The following MTA2 variants were observed in gnomAD, a reference collection of about 807,000 sequenced individuals.
MTA2 encodes metastasis-associated protein MTA2.
A neutral mutation model predicts 87.1 loss-of-function variants in MTA2; 22 were observed. The ratio of observed to expected loss-of-function variants is 0.25; its 90% confidence interval spans 0.18 to 0.36. The LOEUF (loss-of-function observed/expected upper bound fraction) is 0.36. Ranked by LOEUF, MTA2 falls within the 10% of genes least tolerant of loss-of-function variation. MTA2 has a pLI of 1.00. For synonymous variants in MTA2, 314 were observed against 310.1 expected, an observed-to-expected ratio of 1.01 and a Z score of -0.13; for missense variants, 542 against 853.2, an observed-to-expected ratio of 0.64 and a Z score of 4.54.
intron 2 of MTA2, 132 bp from the exon 3 acceptor site, chr11:62,600,391 G>A (rs973399443): frequency 3.5e-6 from 3 of 847,224 alleles, no homozygotes; most frequent in Non-Finnish European, 5.6e-6. Context: ...AAGAAAATAT[G>A]AGTAAAGACT....
chr11:62,598,397 G>A lies in MTA2; in HGVS notation c.309-7C>T, dbSNP rs547210469. ...GGTCACACTGCATTTCCCCCTATAG[G>A]AGAGAGATTGGAAAACCCCGGTGAG... On this transcript the variant is annotated splice_polypyrimidine_tract_variant and splice_region_variant and intron_variant, in intron 4 of 17. Coordinates refer to ENST00000278823, the MANE Select transcript of MTA2 (RefSeq NM_004739.4). 2.5e-6 allele frequency: 4 copies of A among 1,613,780 alleles called. No homozygotes were observed. The highest frequency in any genetic ancestry group is 2.2e-5 in the East Asian group (1 of 44,874).
chr11:62,600,739 G>A lies in MTA2; in HGVS notation c.29-50C>T, dbSNP rs755714201. The A allele has an allele frequency of 3.9e-6, 6 of 1,539,608 alleles. No homozygotes were observed. The East Asian group carries it at 9.0e-5, about 23-fold the overall frequency. On this transcript the variant is annotated intron_variant, in intron 1 of 17. Transcript: ENST00000278823. ...ACCACGAAGATCAGAGGAGATGGGA[G>A]ACGCAGAGCACCAGGGTAGGAGAGA...
chr11:62,596,120 G>T lies in MTA2; in HGVS notation c.1017-13C>A. 6.2e-7 allele frequency: 1 copy of T among 1,613,620 alleles called. No individual in the cohort carries two copies. ...GTTTGGCTTAGTGCTAACGGGGAAG[G>T]CGAGGAGAAGGGAAAAAAACAAGAA... On this transcript the variant is annotated splice_polypyrimidine_tract_variant and intron_variant, in intron 11 of 17. Transcript: ENST00000278823.
At chr11:62,598,482 T>A (rs371985219) in intron 4 of MTA2, 40 bp downstream of exon 4, 2 of 1,607,560 alleles carry the variant, frequency 1.2e-6, no homozygotes, top group African/African-American at 2.7e-5. Flanking sequence ...ATCTTCTACG[T>A]AAGTGCACGC....
Position 62,594,336 on chromosome 11 carries a change from C to T in MTA2, c.1764G>A (p.Gln588=), listed in dbSNP as rs138892487. The T allele has an allele frequency of 3.3e-4, 525 of 1,614,230 alleles. 2 individuals carry two copies. Among genetic ancestry groups the T allele is most frequent in the Non-Finnish European group, 4.1e-4 (489 of 1,180,048 alleles). Reference sequence around the variant, plus strand: ...TTAGTTTCTGACGCTTGGCTGCTGGCTGTGAGCTTGAACGAATCCCTGAAG... The same window carrying T: ...TTAGTTTCTGACGCTTGGCTGCTGGTTGTGAGCTTGAACGAATCCCTGAAG... The part of the protein sequence containing the change: ...PLASGIRSSS[Q]PAAKRQKLNP... The change falls in exon 17 of 18, where the codon CAG becomes CAA. Residue 588 remains glutamine, a synonymous_variant. Coordinates refer to ENST00000278823, the MANE Select transcript of MTA2 (RefSeq NM_004739.4).
At position 62,593,709 on chromosome 11, in the gene MTA2, C is replaced by G. The variant is rs560026142; in HGVS notation, c.*166G>C. 226 of 765,502 alleles carry G rather than the reference C, an allele frequency of 3.0e-4. No homozygotes were observed. Among genetic ancestry groups the G allele is most frequent in the Non-Finnish European group, 4.0e-4 (192 of 484,972 alleles). The allele number at this position is 765,502 out of a possible 1,614,324, so 47.4% of individuals were successfully genotyped here. ...AAGCATGGAGGCATGAGACAAGTCT[C>G]GAGGTGGTAACACCAGAGGGCGCCC... is the stretch of plus-strand genomic sequence containing the variant. On this transcript the variant is annotated 3_prime_UTR_variant, in exon 18 of 18. Transcript: ENST00000278823.
chr11:62,593,894 G>A lies in MTA2; in HGVS notation c.1988C>T (p.Pro663Leu). The change falls in exon 18 of 18, where the codon CCT (proline) becomes CTT (leucine). Residue 663 changes from proline (P) to leucine (L), a missense_variant. Physicochemically the swap from Pro to Leu is moderately conservative, Grantham distance 98. Transcript: ENST00000278823. The stretch of plus-strand genomic sequence containing the variant: ...AGGTGCTCAGTCCTCCAGGACAATA[G>A]GCTCATTGGTGCTGGCAGGATGTGA... ...APSHPASTNEPIVLED is the reference protein window; with the variant it reads ...APSHPASTNELIVLED 6.2e-7 allele frequency: 1 copy of A among 1,614,178 alleles called. No individual in the cohort carries two copies. Among genetic ancestry groups the A allele is most frequent in the Non-Finnish European group, 8.5e-7 (1 of 1,180,032 alleles).
chr11:62,594,568 A>G lies in MTA2; in HGVS notation c.1640T>C (p.Leu547Pro), dbSNP rs1394503311. The change falls in exon 16 of 18, where the codon CTG becomes CCG. Residue 547 changes from leucine (L) to proline (P), a missense_variant. This residue lies in a region of MTA2 where 269 missense variants were observed against 346.4 expected (regional missense o/e 0.78). Transcript: ENST00000278823. ...GCCCCCCAGTCCCCGGTTCTGGGAC[A>G]GCTGGTTTCTGTTGATCGGTGTCTT... ...GTKTPINRNQ[L>P]SQNRGLGGIM... 1 of 1,614,056 alleles carries G rather than the reference A, an allele frequency of 6.2e-7. No individual in the cohort carries two copies. The highest frequency in any genetic ancestry group is 1.1e-5 in the South Asian group (1 of 91,080).
chr11:62,601,244 C>T lies in MTA2; in HGVS notation c.28+179G>A, dbSNP rs112034135. The stretch of plus-strand genomic sequence containing the variant: ...CAGCTTCTCTCTGGGAGTCTCGGAG[C>T]CCTGCCGCGTCGCGGTTCCCCGCAC... On this transcript the variant is annotated intron_variant, in intron 1 of 17. Coordinates refer to ENST00000278823, the MANE Select transcript of MTA2 (RefSeq NM_004739.4). 3.8e-5 allele frequency: 29 copies of T among 765,262 alleles called. 2 individuals carry two copies. The highest frequency in any genetic ancestry group is 2.9e-4 in the African/African-American group (16 of 55,010). 47.4% of individuals were successfully genotyped at this position (765,262 alleles called of 1,614,324 possible).
At chr11:62,600,286 AAAC>A in intron 2 of MTA2, 27 bp from the exon 3 acceptor site, 1 of 1,592,296 alleles carries the variant, frequency 6.3e-7, no homozygotes, top group Non-Finnish European at 8.6e-7. Flanking sequence ...AACAAAAACA[AAAC>A]AACGTAGCAG....
Position 62,593,560 on chromosome 11 carries a change from C to T in MTA2, c.*315G>A. 1 of 216,056 alleles carries T rather than the reference C, an allele frequency of 4.6e-6. No individual in the cohort carries two copies. 13.4% of individuals were successfully genotyped at this position (216,056 alleles called of 1,614,324 possible). A position where few individuals can be genotyped will look rare whatever the true frequency, so the allele number is the denominator to read the frequency against. The stretch of plus-strand genomic sequence containing the variant: ...CCCCATCCCCTTTCACAAAGGGAGG[C>T]AAAATTTTTAAAAAATTAAAAAACC... On this transcript the variant is annotated 3_prime_UTR_variant, in exon 18 of 18. Transcript: ENST00000278823.
In MTA2 at chr11:62,593,937, C is replaced by T; in HGVS notation, c.1945G>A (p.Val649Ile). The change falls in exon 18 of 18, where the codon GTC becomes ATC. Residue 649 changes from valine (V) to isoleucine (I), a missense_variant. By Grantham distance (29) the Val-to-Ile change is conservative. Coordinates refer to ENST00000278823, the MANE Select transcript of MTA2 (RefSeq NM_004739.4). The stretch of plus-strand genomic sequence containing the variant: ...GGATGTGAGGGTGCAGGTAGAGGGA[C>T]AGGGGGCCGCACTGCAATCAGCGTT... ...KPTLIAVRPP[V>I]PLPAPSHPAS... 2 of 1,614,150 alleles carry T rather than the reference C, an allele frequency of 1.2e-6. No individual in the cohort carries two copies. The highest frequency in any genetic ancestry group is 1.7e-6 in the Non-Finnish European group (2 of 1,180,040).
intron 4 of MTA2, 25 bp from the exon 5 acceptor site, chr11:62,598,415 C>G (rs1489795791): frequency 6.2e-7 from 1 of 1,612,516 alleles, no homozygotes; most frequent in Admixed American, 1.7e-5. Flanking sequence ...TTGGAAAACC[C>G]CGGTGAGCCC....
chr11:62,600,533 T>G, intron 2 of MTA2, 89 bp downstream of exon 2: 1 of 1,217,534 alleles, frequency 8.2e-7, no homozygotes, highest in Non-Finnish European at 1.2e-6. Flanking sequence ...GAATGGGTAC[T>G]TAGTATAGGA....
At position 62,600,603 on chromosome 11, in the gene MTA2, G is replaced by C. The variant is rs370794242; in HGVS notation, c.96+19C>G. On this transcript the variant is annotated intron_variant, in intron 2 of 17. Transcript: ENST00000278823. ...GAGACCACTGCGGGAGGGAGGGAGA[G>C]GGATTCTGCTCCACTCACCTTGTTG... 261 of 1,609,804 alleles carry C rather than the reference G, an allele frequency of 1.6e-4. 1 individual carries two copies. The highest frequency in any genetic ancestry group is 2.0e-4 in the Non-Finnish European group (236 of 1,176,680).
intron 17 of MTA2, 52 bp from the exon 18 acceptor site, chr11:62,594,092 C>A: frequency 6.4e-7 from 1 of 1,554,506 alleles, no homozygotes; most frequent in Non-Finnish European, 8.7e-7. Context: ...AACATTAAGA[C>A]CTCCAGGTGA....
Position 62,601,758 on chromosome 11 carries a change from C to A in MTA2, c.-308G>T. 2 of 514,692 alleles carry A rather than the reference C, an allele frequency of 3.9e-6. No individual in the cohort carries two copies. Among genetic ancestry groups the A allele is most frequent in the South Asian group, 5.7e-5 (2 of 35,246 alleles). 31.9% of individuals were successfully genotyped at this position (514,692 alleles called of 1,614,324 possible). A position where few individuals can be genotyped will look rare whatever the true frequency, so the allele number is the denominator to read the frequency against. On this transcript the variant is annotated 5_prime_UTR_variant, in exon 1 of 18. Coordinates refer to ENST00000278823, the MANE Select transcript of MTA2 (RefSeq NM_004739.4). Reference sequence around the variant, plus strand: ...CCAGCTACCCCCGCCCCCGCGGAGTCCCACTAGTCGTTGGGCTCTGCCGGC... The same window carrying A: ...CCAGCTACCCCCGCCCCCGCGGAGTACCACTAGTCGTTGGGCTCTGCCGGC...
At chr11:62,598,971 T>C (rs912029731) in intron 3 of MTA2, among the ~76,000 whole-genome samples, 20 of 152,216 alleles carry the variant, frequency 1.3e-4, no homozygotes, top group Non-Finnish European at 7.3e-5. Context: ...TCTTGCTTGC[T>C]AAACCAGCCT....
rs780660205 is a variant in MTA2, at chr11:62,596,143, G to C, written c.1017-36C>G. On this transcript the variant is annotated intron_variant, in intron 11 of 17. Coordinates refer to ENST00000278823, the MANE Select transcript of MTA2 (RefSeq NM_004739.4). ...AGGCGAGGAGAAGGGAAAAAAACAAGAAACTGGTCAAGGAAAAGAATCAAT... is the reference window on the plus strand; with the variant it reads ...AGGCGAGGAGAAGGGAAAAAAACAACAAACTGGTCAAGGAAAAGAATCAAT... 5.6e-6 allele frequency: 9 copies of C among 1,609,776 alleles called. No individual in the cohort carries two copies. In the South Asian group the frequency reaches 9.9e-5, roughly 18 times the overall value.
Sources: gnomAD v4.1 joint callset for allele counts (sites outside exome capture counted in the v4.1 genomes callset) on GRCh38, gnomAD v4.1.1 for gene constraint, gnomAD v4.1.1 regional missense constraint, MANE v1.5 for transcripts, NCBI Gene and HGNC (gene_info 2026-07-23, HGNC 2026-07-21) for gene names.